AHRR: variants seen among roughly 807,000 people sequenced by gnomAD.
The protein encoded by AHRR is aryl hydrocarbon receptor repressor, also known as ahR repressor.
In AHRR, 28 loss-of-function variants were observed where a neutral mutation model predicts 44.0. The observed-to-expected ratio is 0.64, with a 90% confidence interval of 0.47 to 0.87. The LOEUF is 0.87. Ranked by LOEUF, AHRR falls within the 40% of genes least tolerant of loss-of-function variation. The pLI is 0.00. For missense variants in AHRR, 990 were observed against 953.9 expected (o/e 1.04, Z -0.50); for synonymous variants, 434 against 407.0 (o/e 1.07, Z -0.80).
intron 1 of AHRR, among the ~76,000 whole-genome samples, chr5:332,263 CTTT>C (rs36049046): frequency 2.1e-4 from 25 of 116,972 alleles, no homozygotes; most frequent in Non-Finnish European, 2.1e-4. Flanking sequence ...TCTGTTAAGA[CTTT>C]TTTTTTTTTT....
intron 2 of AHRR, among the ~76,000 whole-genome samples, chr5:346,080 C>T (rs534973843): frequency 2.6e-5 from 4 of 152,134 alleles, no homozygotes; most frequent in Non-Finnish European, 5.9e-5. Flanking sequence ...GGCACACAGC[C>T]GAGGCCGGGA....
chr5:389,157 G>A (rs1258469460), intron 4 of AHRR, among the ~76,000 whole-genome samples: 2 of 151,842 alleles, frequency 1.3e-5, no homozygotes, highest in African/African-American at 4.8e-5. Flanking sequence ...CCTGGCGGAG[G>A]GGAGCCCGGG....
At chr5:424,405 C>T (rs1304068110) in intron 7 of AHRR, among the ~76,000 whole-genome samples, 25 of 79,368 alleles carry the variant, frequency 3.1e-4, no homozygotes, top group Middle Eastern at 6.5e-3. Flanking sequence ...GGGCGAGGGC[C>T]GGTGCTGAGC....
intron 4 of AHRR, among the ~76,000 whole-genome samples, chr5:403,147 G>A (rs1735091574): frequency 6.6e-6 from 1 of 152,202 alleles, no homozygotes; most frequent in South Asian, 2.1e-4. Flanking sequence ...TCGCTCAGAT[G>A]AGGTCCCCAG....
intron 3 of AHRR, among the ~76,000 whole-genome samples, chr5:373,342 C>A (rs1461412914): frequency 6.6e-6 from 1 of 152,246 alleles, no homozygotes; most frequent in Admixed American, 6.5e-5. Context: ...CCTGGCAGGG[C>A]CCCTCTCTGC....
chr5:432,788 C>T lies in AHRR; in HGVS notation c.971-18C>T, dbSNP rs553699720. 4.6e-5 allele frequency: 74 copies of T among 1,613,936 alleles called. No individual in the cohort carries two copies. The highest frequency in any genetic ancestry group is 2.0e-4 in the African/African-American group (15 of 75,062). On this transcript the variant is annotated intron_variant, in intron 9 of 10. Transcript: ENST00000684583. Reference sequence around the variant, plus strand: ...AGCTCGCACCGTGACGGCTTCCCCCCCCTCTAAACCCCAACAGGAAGGAGC... The same window carrying T: ...AGCTCGCACCGTGACGGCTTCCCCCTCCTCTAAACCCCAACAGGAAGGAGC...
At chr5:328,045 T>C (rs1476915174) in intron 1 of AHRR, among the ~76,000 whole-genome samples, 1 of 152,146 alleles carries the variant, frequency 6.6e-6, no homozygotes, top group African/African-American at 2.4e-5. Context: ...TTTGTTTTTT[T>C]GTCCTTGTGA....
At position 403,836 on chromosome 5, in the gene AHRR, G is replaced by A. The variant is rs1322317449; in HGVS notation, c.352-9508G>A. The A allele has an allele frequency of 3.2e-6, 5 of 1,551,594 alleles. No homozygotes were observed. In the African/African-American group the frequency reaches 5.5e-5, roughly 17 times the overall value. On this transcript the variant is annotated intron_variant, in intron 4 of 10. Transcript: ENST00000684583. ...CTCGATATGCCTTCTCTTCCTTTTTGCTCAAAGGACAAAGAACCCACATTA... is the reference window on the plus strand; with the variant it reads ...CTCGATATGCCTTCTCTTCCTTTTTACTCAAAGGACAAAGAACCCACATTA...
intron 3 of AHRR, among the ~76,000 whole-genome samples, chr5:371,806 G>A (rs535146448): frequency 2.0e-5 from 3 of 152,320 alleles, no homozygotes; most frequent in South Asian, 2.1e-4. Flanking sequence ...GTCCTAAACC[G>A]AGTCAGCTTG....
chr5:428,340 G>A (rs1736565977), intron 8 of AHRR, among the ~76,000 whole-genome samples: 1 of 152,136 alleles, frequency 6.6e-6, no homozygotes, highest in Admixed American at 6.5e-5. Flanking sequence ...TCCATCTCTT[G>A]GCTGCCCGCC....
chr5:394,275 C>T (rs1010162894), intron 4 of AHRR, among the ~76,000 whole-genome samples: 5 of 102,760 alleles, frequency 4.9e-5, no homozygotes, highest in Admixed American at 4.4e-4. Flanking sequence ...TGTGCTGGAA[C>T]CCTCTTGTCT....
At chr5:397,046 T>C (rs150579152) in intron 4 of AHRR, among the ~76,000 whole-genome samples, 9,199 of 110,462 alleles carry the variant, frequency 0.083, 410 homozygotes, top group Non-Finnish European at 0.11. Context: ...TGACCATCCA[T>C]GTTAGCCCCT....
intron 2 of AHRR, among the ~76,000 whole-genome samples, chr5:344,292 C>T (rs941373932): frequency 3.3e-5 from 5 of 150,992 alleles, no homozygotes; most frequent in Non-Finnish European, 7.4e-5. Flanking sequence ...ACGGCAGCTT[C>T]CCAGGCTCCG....
intron 1 of AHRR, among the ~76,000 whole-genome samples, chr5:328,723 G>T (rs1278005520): frequency 1.3e-5 from 2 of 152,058 alleles, no homozygotes; most frequent in Admixed American, 6.6e-5. Flanking sequence ...TTTTTAATGG[G>T]ATCACTTGGG....
chr5:427,678 C>T (rs758028954), intron 7 of AHRR, 129 bp from the exon 8 acceptor site: 59 of 1,613,378 alleles, frequency 3.7e-5, no homozygotes, highest in Middle Eastern at 1.7e-4. Flanking sequence ...TCTGCTGTCC[C>T]GAGCCACTCA....
chr5:336,208 G>T (rs1742113755), intron 1 of AHRR, among the ~76,000 whole-genome samples: 1 of 152,200 alleles, frequency 6.6e-6, no homozygotes, highest in Non-Finnish European at 1.5e-5. Flanking sequence ...ATTCTCCAGT[G>T]GGAAAGTGGA....
chr5:363,416 T>TA (rs1009134310), intron 3 of AHRR, among the ~76,000 whole-genome samples: 3 of 152,142 alleles, frequency 2.0e-5, no homozygotes, highest in Non-Finnish European at 4.4e-5. Context: ...CTCACTTCCT[T>TA]AGCCCTAGGT....
chr5:376,542 A>AGG (rs1733678420), intron 3 of AHRR, 68 bp from the exon 4 acceptor site: 2 of 1,387,004 alleles, frequency 1.4e-6, no homozygotes, highest in South Asian at 1.4e-5. Context: ...CACAGGAAAG[A>AGG]TGTGAATGAA....
At position 353,720 on chromosome 5, in the gene AHRR, C is replaced by A; in HGVS notation, c.63-10C>A. ...GAGAAGCCCACCTGACCCAGACCATCTCCCCACAGGAGGCCCGCCGTGGGG... is the reference window on the plus strand; with the variant it reads ...GAGAAGCCCACCTGACCCAGACCATATCCCCACAGGAGGCCCGCCGTGGGG... On this transcript the variant is annotated splice_polypyrimidine_tract_variant and intron_variant, in intron 2 of 10. Coordinates refer to ENST00000684583, the MANE Select transcript of AHRR (RefSeq NM_001377236.1). 1 of 1,600,644 alleles carries A rather than the reference C, an allele frequency of 6.2e-7. No homozygotes were observed. The highest frequency in any genetic ancestry group is 1.1e-5 in the South Asian group (1 of 89,804).
Sources: allele counts gnomAD v4.1 joint callset (sites outside exome capture counted in the v4.1 genomes callset), GRCh38; gene constraint gnomAD v4.1.1; transcripts MANE v1.5; gene names NCBI Gene and HGNC (gene_info 2026-07-23, HGNC 2026-07-21).